The following GPR137B variants were observed in gnomAD, a reference collection of about 807,000 sequenced individuals.
The protein encoded by GPR137B is G protein-coupled receptor 137B.
In GPR137B, 42 loss-of-function variants were observed where a neutral mutation model predicts 42.5. The ratio of observed to expected loss-of-function variants is 0.99; its 90% confidence interval spans 0.77 to 1.28. GPR137B has a LOEUF of 1.28. Among genes scored for constraint, GPR137B ranks in the 50% most tolerant of loss-of-function variants. GPR137B has a pLI of 0.00. For missense variants in GPR137B, 487 were observed against 493.9 expected (o/e 0.99, Z 0.13); for synonymous variants, 218 against 209.7 (o/e 1.04, Z -0.34).
intron 2 of GPR137B, among the ~76,000 whole-genome samples, chr1:236,178,011 T>C (rs1662738049): frequency 6.6e-6 from 1 of 152,188 alleles, no homozygotes; most frequent in African/African-American, 2.4e-5. Flanking sequence ...TATTTTCAAG[T>C]GATGGAACCA....
chr1:236,157,670 A>T (rs1311153594), intron 1 of GPR137B, among the ~76,000 whole-genome samples: 1 of 152,314 alleles, frequency 6.6e-6, no homozygotes, highest in East Asian at 1.9e-4. Flanking sequence ...CCACATACTC[A>T]CATCCCTGTA....
intron 1 of GPR137B, among the ~76,000 whole-genome samples, chr1:236,144,235 C>A (rs373801516): frequency 6.6e-6 from 1 of 151,962 alleles, no homozygotes; most frequent in Non-Finnish European, 1.5e-5. Context: ...GGCAACATGG[C>A]GAAACTTCCT....
intron 1 of GPR137B, among the ~76,000 whole-genome samples, chr1:236,166,905 G>C (rs947721359): frequency 6.6e-6 from 1 of 152,226 alleles, no homozygotes; most frequent in East Asian, 1.9e-4. Flanking sequence ...TCCCATTTCA[G>C]CCTCCTCCCT....
At position 236,208,044 on chromosome 1, in the gene GPR137B, T is replaced by TTTAAG. The variant is rs763995287; in HGVS notation, c.1092-3_1093dup. ...CAAGTCACTGAAATATTTTTTTCTT[T>TTTAAG]TTAAGTTTTGCTCCAGATTACTATG... On this transcript the variant is annotated splice_polypyrimidine_tract_variant and splice_region_variant and intron_variant, in intron 6 of 6. Coordinates refer to ENST00000366592, the MANE Select transcript of GPR137B (RefSeq NM_003272.4). The TTTAAG allele has an allele frequency of 1.1e-5, 17 of 1,605,380 alleles. No homozygotes were observed. The highest frequency in any genetic ancestry group is 6.7e-5 in the East Asian group (3 of 44,826).
intron 4 of GPR137B, among the ~76,000 whole-genome samples, chr1:236,182,493 A>G (rs928204219): frequency 1.3e-5 from 2 of 152,080 alleles, no homozygotes; most frequent in Admixed American, 1.3e-4. Flanking sequence ...GTGGCCTGTA[A>G]TCCCAGCATT....
intron 1 of GPR137B, among the ~76,000 whole-genome samples, chr1:236,152,660 A>G (rs1465544512): frequency 2.0e-5 from 3 of 151,978 alleles, no homozygotes; most frequent in Admixed American, 1.3e-4. Flanking sequence ...AGGCTGAGAC[A>G]GGAGAATTGC....
chr1:236,145,643 C>T (rs1473987249), intron 1 of GPR137B, among the ~76,000 whole-genome samples: 1 of 152,044 alleles, frequency 6.6e-6, no homozygotes, highest in Non-Finnish European at 1.5e-5. Context: ...AGGTGTGAGC[C>T]ACCGCACCCG....
chr1:236,166,883 C>A (rs1436704177), intron 1 of GPR137B, among the ~76,000 whole-genome samples: 3 of 151,970 alleles, frequency 2.0e-5, no homozygotes, highest in African/African-American at 7.3e-5. Context: ...AACTCCTGGG[C>A]CCAAGCGATC....
At chr1:236,205,952 G>A (rs1436111531) in intron 6 of GPR137B, among the ~76,000 whole-genome samples, 1 of 152,222 alleles carries the variant, frequency 6.6e-6, no homozygotes, top group African/African-American at 2.4e-5. Context: ...AATGGAACAT[G>A]ATATCTTTAA....
intron 1 of GPR137B, among the ~76,000 whole-genome samples, chr1:236,147,111 T>C (rs1050149840): frequency 6.6e-6 from 1 of 152,196 alleles, no homozygotes; most frequent in Non-Finnish European, 1.5e-5. Flanking sequence ...GCCTGGCCCA[T>C]ACTCCTTTAT....
At chr1:236,157,787 C>A (rs371705634) in intron 1 of GPR137B, among the ~76,000 whole-genome samples, 1 of 152,156 alleles carries the variant, frequency 6.6e-6, no homozygotes, top group African/African-American at 2.4e-5. Context: ...TGTATAGATG[C>A]GCCCATGCAG....
intron 1 of GPR137B, among the ~76,000 whole-genome samples, chr1:236,147,514 C>G (rs1018483784): frequency 6.6e-6 from 1 of 152,226 alleles, no homozygotes; most frequent in Admixed American, 6.5e-5. Context: ...TCCCACTTGG[C>G]CACATGGGTG....
intron 6 of GPR137B, among the ~76,000 whole-genome samples, chr1:236,206,780 A>G (rs1022439428): frequency 6.6e-6 from 1 of 152,102 alleles, no homozygotes; most frequent in African/African-American, 2.4e-5. Context: ...ATACTCCACT[A>G]CCCGATGACT....
intron 5 of GPR137B, among the ~76,000 whole-genome samples, chr1:236,186,243 A>ATAT (rs1491210340): frequency 2.1e-5 from 1 of 46,674 alleles, no homozygotes; most frequent in African/African-American, 8.0e-5. Context: ...ATAATAATAT[A>ATAT]AATAATATAT....
chr1:236,179,823 A>G lies in GPR137B; in HGVS notation c.688-56A>G. On this transcript the variant is annotated intron_variant, in intron 3 of 6. Transcript: ENST00000366592. ...ACTGATAGCAGGTGGGGGCTGGGGA[A>G]GGGGCTGGTGTCTTGGACCTGGAGT... 3 of 1,333,970 alleles carry G rather than the reference A, an allele frequency of 2.2e-6. No individual in the cohort carries two copies. In the East Asian group the frequency reaches 7.2e-5, roughly 32 times the overall value. 82.6% of individuals were successfully genotyped at this position (1,333,970 alleles called of 1,614,324 possible).
chr1:236,207,511 T>C (rs551627308), intron 6 of GPR137B, among the ~76,000 whole-genome samples: 5 of 152,316 alleles, frequency 3.3e-5, no homozygotes, highest in Admixed American at 6.5e-5. Context: ...ACTACCGATA[T>C]GGTGAAGACA....
intron 6 of GPR137B, among the ~76,000 whole-genome samples, chr1:236,207,810 T>C (rs1354346008): frequency 1.3e-5 from 2 of 152,128 alleles, no homozygotes; most frequent in African/African-American, 2.4e-5. Context: ...AGTGACTGGC[T>C]GGGTTCTCTA....
chr1:236,187,563 C>T (rs1417898136), intron 5 of GPR137B, among the ~76,000 whole-genome samples: 1 of 152,272 alleles, frequency 6.6e-6, no homozygotes, highest in Middle Eastern at 3.4e-3. Flanking sequence ...ACCCAGTTTT[C>T]CCAACACCAT....
chr1:236,142,648 G>A lies in GPR137B; in HGVS notation c.26G>A (p.Arg9His). The A allele has an allele frequency of 1.3e-6, 2 of 1,498,486 alleles. No individual in the cohort carries two copies. Among genetic ancestry groups the A allele is most frequent in the Non-Finnish European group, 1.8e-6 (2 of 1,131,778 alleles). 92.8% of individuals were successfully genotyped at this position (1,498,486 alleles called of 1,614,324 possible). A position where few individuals can be genotyped will look rare whatever the true frequency, so the allele number is the denominator to read the frequency against. The stretch of plus-strand genomic sequence containing the variant: ...ATGAGGCCCGAGCGTCCCCGGCCGC[G>A]CGGCAGCGCCCCCGGCCCGATGGAG... The part of the protein sequence containing the change: MRPERPRP[R>H]GSAPGPMETP... Residue 9 changes from arginine (R) to histidine (H), a missense_variant, in exon 1 of 7, where the codon CGC (arginine) becomes CAC (histidine). By Grantham distance (29) the Arg-to-His change is conservative. Transcript: ENST00000366592.
Sources: allele counts gnomAD v4.1 joint callset (sites outside exome capture counted in the v4.1 genomes callset), GRCh38; gene constraint gnomAD v4.1.1; transcripts MANE v1.5; gene names NCBI Gene and HGNC (gene_info 2026-07-23, HGNC 2026-07-21).